Variants in P4HA3 observed in about 807,000 individuals in gnomAD.
The protein encoded by P4HA3 is prolyl 4-hydroxylase subunit alpha 3, also known as prolyl 4-hydroxylase subunit alpha-3.
A neutral mutation model predicts 66.7 loss-of-function variants in P4HA3; 60 were observed. That is an observed-to-expected ratio of 0.90 (90% CI 0.73 to 1.12). The LOEUF (loss-of-function observed/expected upper bound fraction) is 1.12. P4HA3 is among the 50% of genes most tolerant of loss of function. The pLI is 0.00. For missense variants in P4HA3, 683 were observed against 685.8 expected, an observed-to-expected ratio of 1.00 and a Z score of 0.05; for synonymous variants, 263 against 274.6, an observed-to-expected ratio of 0.96 and a Z score of 0.42.
At chr11:74,304,539 T>C (rs994633500) in intron 1 of P4HA3, 127 bp from the exon 2 acceptor site, 4 of 1,132,646 alleles carry the variant, frequency 3.5e-6, no homozygotes, top group South Asian at 3.1e-5. Flanking sequence ...ATTCACATAA[T>C]AGTCCAACCA....
At chr11:74,266,294 C>G (rs1281497267), downstream of P4HA3, among the ~76,000 whole-genome samples, 1 of 151,954 alleles carries the variant, frequency 6.6e-6, no homozygotes, top group African/African-American at 2.4e-5. Context: ...CAAGAGGATA[C>G]CAAAATCTAC....
intron 15 of P4HA3, chr11:74,253,563 A>G: frequency 6.5e-7 from 1 of 1,550,140 alleles, no homozygotes; most frequent in Non-Finnish European, 8.9e-7. Flanking sequence ...AATACGTCGC[A>G]CCAGAGGCCA....
chr11:74,274,304 G>GTTTTTTTTTTTTT (rs558751754), intron 9 of P4HA3, among the ~76,000 whole-genome samples: 2 of 134,870 alleles, frequency 1.5e-5, no homozygotes, highest in African/African-American at 2.7e-5. Context: ...TTTTTTTTTT[G>GTTTTTTTTTTTTT]TTTTTTTTTT....
intron 3 of P4HA3, among the ~76,000 whole-genome samples, chr11:74,301,758 C>T (rs77442752): frequency 0.04 from 6,046 of 151,832 alleles, 128 homozygotes; most frequent in Middle Eastern, 0.1. Context: ...AGATGGGGGG[C>T]GGGGGTGTTC....
chr11:74,251,342 C>CA, intron 15 of P4HA3: 1 of 1,356,640 alleles, frequency 7.4e-7, no homozygotes, highest in Non-Finnish European at 9.5e-7. Context: ...CCCTAAACCA[C>CA]AGGCACAGTT....
chr11:74,309,014 C>A (rs1421530301), intron 1 of P4HA3, among the ~76,000 whole-genome samples: 2 of 152,186 alleles, frequency 1.3e-5, no homozygotes, highest in African/African-American at 4.8e-5. Context: ...CTGTTAACCA[C>A]CATGTACTGT....
rs1300559244 is a variant in P4HA3, at chr11:74,253,365, G to A, written c.*1319-5364C>T. On this transcript the variant is annotated intron_variant and NMD_transcript_variant, in intron 15 of 15. Coordinates refer to the P4HA3 transcript ENST00000524388. ...CCTGGGTCCAGCTCTGGTCAGGGCT[G>A]TGAAATGGGTCAGATTTGCCAGGGC... 4.3e-6 allele frequency: 4 copies of A among 938,710 alleles called. No homozygotes were observed. The African/African-American group carries it at 4.9e-5, about 11-fold the overall frequency. 58.1% of individuals were successfully genotyped at this position (938,710 alleles called of 1,614,324 possible). A position where few individuals can be genotyped will look rare whatever the true frequency, so the allele number is the denominator to read the frequency against.
At chr11:74,273,340 G>T (rs1331372304) in intron 10 of P4HA3, among the ~76,000 whole-genome samples, 2 of 152,134 alleles carry the variant, frequency 1.3e-5, no homozygotes, top group Non-Finnish European at 2.9e-5. Flanking sequence ...CACACTGTCA[G>T]CCTCTTTCAG....
At chr11:74,275,053 AG>A (rs1404423286) in intron 9 of P4HA3, among the ~76,000 whole-genome samples, 1 of 152,234 alleles carries the variant, frequency 6.6e-6, no homozygotes, top group African/African-American at 2.4e-5. Context: ...GAGTTATAAA[AG>A]TTCTATAGAT....
intron 9 of P4HA3, among the ~76,000 whole-genome samples, chr11:74,274,295 T>C (rs1042418075): frequency 6.7e-6 from 1 of 148,200 alleles, no homozygotes; most frequent in African/African-American, 2.6e-5. Context: ...AATTCTTGGT[T>C]TTTTTTTTGT....
In P4HA3 at chr11:74,287,372, T is replaced by G. The variant is rs956399013; in HGVS notation, c.770-981A>C. The G allele has an allele frequency of 1.8e-5, 22 of 1,238,490 alleles. No homozygotes were observed. The African/African-American group carries it at 2.9e-4, about 17-fold the overall frequency. The allele number at this position is 1,238,490 out of a possible 1,614,324, so 76.7% of individuals were successfully genotyped here. A position where few individuals can be genotyped will look rare whatever the true frequency, so the allele number is the denominator to read the frequency against. ...GAAGTGAAGTTTTGGAGAATGGAAA[T>G]TATAAGCCCAAACCCCAGTGAAAAT... On this transcript the variant is annotated intron_variant, in intron 5 of 12. Transcript: ENST00000331597.
intron 4 of P4HA3, among the ~76,000 whole-genome samples, chr11:74,297,236 G>A (rs1057121678): frequency 6.6e-6 from 1 of 152,146 alleles, no homozygotes; most frequent in African/African-American, 2.4e-5. Context: ...TTACAGGCGT[G>A]AGCCACCACA....
At chr11:74,256,355 G>T (rs771873376) in intron 15 of P4HA3, among the ~76,000 whole-genome samples, 1 of 152,176 alleles carries the variant, frequency 6.6e-6, no homozygotes, top group Non-Finnish European at 1.5e-5. Flanking sequence ...TGTGTTTTAG[G>T]CACTTTCATC....
In P4HA3 at chr11:74,289,076, T is replaced by A; in HGVS notation, c.769+3A>T. The A allele has an allele frequency of 1.3e-6, 2 of 1,564,828 alleles. No homozygotes were observed. Among genetic ancestry groups the A allele is most frequent in the Middle Eastern group, 1.7e-4 (1 of 5,822 alleles). On this transcript the variant is annotated splice_donor_region_variant and intron_variant, in intron 5 of 12. Coordinates refer to ENST00000331597, the MANE Select transcript of P4HA3 (RefSeq NM_182904.5). ...GCTGGCTTATCTTTTATCCATTACG[T>A]ACTGTAGAGAAGAAACTCCCGAGAG...
At chr11:74,252,237 T>C (rs1219110247) in intron 15 of P4HA3, among the ~76,000 whole-genome samples, 1 of 148,832 alleles carries the variant, frequency 6.7e-6, no homozygotes, top group Non-Finnish European at 1.5e-5. Flanking sequence ...CCGGCTAATT[T>C]TGTTTTTTTT....
At chr11:74,298,127 C>G in intron 4 of P4HA3, 85 bp downstream of exon 4, 1 of 1,491,100 alleles carries the variant, frequency 6.7e-7, no homozygotes, top group Non-Finnish European at 9.0e-7. Context: ...CAGATGAAGA[C>G]ATGAAAATAC....
intron 1 of P4HA3, among the ~76,000 whole-genome samples, chr11:74,306,818 G>A (rs1478289910): frequency 4.6e-5 from 7 of 152,172 alleles, no homozygotes; most frequent in African/African-American, 1.2e-4. Flanking sequence ...CTGGACCTGG[G>A]TCTCCCAGTG....
At chr11:74,273,141 T>G (rs1860264109) in intron 10 of P4HA3, among the ~76,000 whole-genome samples, 1 of 152,202 alleles carries the variant, frequency 6.6e-6, no homozygotes, top group Admixed American at 6.5e-5. Flanking sequence ...CTCATCCATC[T>G]CCCTCCCCAC....
At chr11:74,301,731 G>T (rs774243948) in intron 3 of P4HA3, among the ~76,000 whole-genome samples, 7 of 152,112 alleles carry the variant, frequency 4.6e-5, no homozygotes, top group Non-Finnish European at 7.4e-5. Context: ...TATAATCAAA[G>T]ATCAGTTAAA....
Sources: gnomAD v4.1 joint callset for allele counts (sites outside exome capture counted in the v4.1 genomes callset) on GRCh38, gnomAD v4.1.1 for gene constraint, MANE v1.5 for transcripts, NCBI Gene and HGNC (gene_info 2026-07-23, HGNC 2026-07-21) for gene names.